Variants in ENO1 observed in about 807,000 individuals in gnomAD.
ENO1 encodes alpha-enolase.
Under a neutral mutation model 46.3 loss-of-function variants are expected in ENO1, and 33 were observed. That is an observed-to-expected ratio of 0.71 (90% confidence interval 0.54 to 0.95). The LOEUF is 0.95. Ranked by LOEUF, ENO1 falls within the 40% of genes least tolerant of loss-of-function variation. The pLI is 0.00. For synonymous variants in ENO1, 220 were observed against 216.0 expected (o/e 1.02, Z -0.16); for missense variants, 488 against 553.3 (o/e 0.88, Z 1.18).
At chr1:8,872,859 G>T (rs372162427) in intron 2 of ENO1, among the ~76,000 whole-genome samples, 1 of 152,156 alleles carries the variant, frequency 6.6e-6, no homozygotes, top group African/African-American at 2.4e-5. Flanking sequence ...AATAAAATGC[G>T]CAGTTTAATA....
intron 5 of ENO1, 35 bp downstream of exon 5, chr1:8,867,953 C>G: frequency 6.3e-7 from 1 of 1,592,680 alleles, no homozygotes. Context: ...ACTTCATGAT[C>G]TTCCCCAGTA....
At chr1:8,874,996 G>A (rs1000744012) in intron 1 of ENO1, 79 bp from the exon 2 acceptor site, 9 of 1,224,458 alleles carry the variant, frequency 7.4e-6, no homozygotes, top group South Asian at 5.1e-5. Flanking sequence ...AATCACTTCC[G>A]AGGTTCGTGG....
At position 8,861,933 on chromosome 1, in the gene ENO1, G is replaced by T. The variant is rs1642414091; in HGVS notation, c.1236-504C>A. On this transcript the variant is annotated intron_variant, in intron 11 of 11. Transcript: ENST00000234590. Reference sequence around the variant, plus strand: ...CACATTTTGGGGCCAGGCACAGTGGGAGGATCACCCGAGGTCAGCTTGACC... The same window carrying T: ...CACATTTTGGGGCCAGGCACAGTGGTAGGATCACCCGAGGTCAGCTTGACC... Among the ~76,000 whole-genome samples, 2 of 150,858 alleles carry T rather than the reference G, an allele frequency of 1.3e-5. 1 individual carries two copies. The highest frequency in any genetic ancestry group is 4.2e-4 in the South Asian group (2 of 4,762).
intron 2 of ENO1, 42 bp downstream of exon 2, chr1:8,874,782 C>T: frequency 6.5e-7 from 1 of 1,542,698 alleles, no homozygotes; most frequent in Non-Finnish European, 8.8e-7. Context: ...TAAAATGAAG[C>T]ACGGTGGAAG....
In ENO1 at chr1:8,863,743, G is replaced by A. The variant is rs1026594414; in HGVS notation, c.1067+148C>T. On this transcript the variant is annotated intron_variant, in intron 9 of 11. Transcript: ENST00000234590. ...AGGCCCCAATTGTTTAATTTAAAAG[G>A]CTCCTGAGTTCAAACACAAAACCTG... The A allele has an allele frequency of 1.6e-5, 15 of 913,352 alleles. No individual in the cohort carries two copies. The African/African-American group carries it at 2.5e-4, about 15-fold the overall frequency. 56.6% of individuals were successfully genotyped at this position (913,352 alleles called of 1,614,324 possible).
At chr1:8,864,148 C>G in intron 8 of ENO1, 56 bp from the exon 9 acceptor site, 1 of 1,585,930 alleles carries the variant, frequency 6.3e-7, no homozygotes, top group African/African-American at 1.3e-5. Context: ...TGCTCCACCG[C>G]AATGCCCAGC....
chr1:8,866,832 C>T (rs2124073154), intron 6 of ENO1, among the ~76,000 whole-genome samples: 1 of 152,296 alleles, frequency 6.6e-6, no homozygotes, highest in East Asian at 1.9e-4. Flanking sequence ...TTGATAACTG[C>T]AAATTCATCA....
At chr1:8,871,795 G>T in intron 3 of ENO1, 96 bp downstream of exon 3, 1 of 1,386,752 alleles carries the variant, frequency 7.2e-7, no homozygotes, top group Non-Finnish European at 1.0e-6. Context: ...CCATAAACCT[G>T]CAAGTGCAAG....
At position 8,867,222 on chromosome 1, in the gene ENO1, C is replaced by T. The variant is rs550948324; in HGVS notation, c.339G>A (p.Gly113=). The T allele has an allele frequency of 4.8e-5, 77 of 1,614,132 alleles. No individual in the cohort carries two copies. The South Asian group carries it at 7.9e-4, about 17-fold the overall frequency. Residue 113 remains glycine (G), a synonymous_variant, in exon 6 of 12, where the codon GGG becomes GGA. Transcript: ENST00000234590. ...KSKFGANAIL[G]VSLAVCKAGA... The stretch of plus-strand genomic sequence containing the variant: ...CAGCTTTGCAGACGGCAAGGGACAC[C>T]CCCAGAATGGCGTTCGCACCAAACT...
In ENO1 at chr1:8,861,011, G is replaced by A. The variant is rs1642389607; in HGVS notation, c.*349C>T. 4.2e-6 allele frequency: 1 copy of A among 235,424 alleles called. No individual in the cohort carries two copies. The highest frequency in any genetic ancestry group is 8.4e-6 in the Non-Finnish European group (1 of 119,488). 14.6% of individuals were successfully genotyped at this position (235,424 alleles called of 1,614,324 possible). On this transcript the variant is annotated 3_prime_UTR_variant, in exon 12 of 12. Coordinates refer to ENST00000234590, the MANE Select transcript of ENO1 (RefSeq NM_001428.5). ...ACAGGCACACGGAGTATTCTCATGGGTCACTGAGGCTTTTTATTTTGAGCA... is the reference window on the plus strand; with the variant it reads ...ACAGGCACACGGAGTATTCTCATGGATCACTGAGGCTTTTTATTTTGAGCA...
At chr1:8,871,448 T>A in intron 3 of ENO1, 3 of 999,800 alleles carry the variant, frequency 3.0e-6, no homozygotes, top group Non-Finnish European at 3.6e-6. Context: ...ATGACACACC[T>A]GCAGCTCACC....
chr1:8,862,020 C>T (rs1434263114), intron 11 of ENO1, among the ~76,000 whole-genome samples: 1 of 151,962 alleles, frequency 6.6e-6, no homozygotes, highest in Non-Finnish European at 1.5e-5. Flanking sequence ...TGGTGGTGGG[C>T]ACCTGTAATC....
At chr1:8,862,225 A>G (rs1425515708) in intron 11 of ENO1, among the ~76,000 whole-genome samples, 2 of 152,174 alleles carry the variant, frequency 1.3e-5, no homozygotes. Flanking sequence ...GCCCCACTGC[A>G]CTCCAGCCTG....
chr1:8,870,109 T>C (rs1642599290), intron 4 of ENO1: 1 of 270,140 alleles, frequency 3.7e-6, no homozygotes, highest in Admixed American at 4.6e-5. Context: ...CCAAAGTTCA[T>C]GAGAAATTAG....
intron 2 of ENO1, among the ~76,000 whole-genome samples, chr1:8,874,514 G>A (rs1428402417): frequency 7.7e-6 from 1 of 130,304 alleles, no homozygotes; most frequent in Non-Finnish European, 1.6e-5. Flanking sequence ...GGAGGCAGAG[G>A]TTGCAGTAAG....
At chr1:8,869,838 G>A (rs1219137332) in intron 4 of ENO1, among the ~76,000 whole-genome samples, 1 of 152,210 alleles carries the variant, frequency 6.6e-6, no homozygotes, top group East Asian at 1.9e-4. Flanking sequence ...GGGATTACAG[G>A]TGTGAGCCAC....
intron 1 of ENO1, chr1:8,878,224 C>T (rs573644434): frequency 1.5e-5 from 3 of 199,312 alleles, no homozygotes; most frequent in African/African-American, 2.4e-5. Flanking sequence ...CACTTGGCTA[C>T]GATGGAAAAG....
rs1034526862 is a variant in ENO1 at position 8,866,013 on chromosome 1, G to A, written c.667+266C>T. 9 of 400,274 alleles carry A rather than the reference G, an allele frequency of 2.2e-5. No individual in the cohort carries two copies. In the Admixed American group the frequency reaches 2.5e-4, roughly 11 times the overall value. 24.8% of individuals were successfully genotyped at this position (400,274 alleles called of 1,614,324 possible). A position where few individuals can be genotyped will look rare whatever the true frequency, so the allele number is the denominator to read the frequency against. On this transcript the variant is annotated intron_variant, in intron 7 of 11. Coordinates refer to ENST00000234590, the MANE Select transcript of ENO1 (RefSeq NM_001428.5). Reference sequence around the variant, plus strand: ...TAGGTATCACTTGAGCCCAGGAGGCGGAAGTTGTAGTGAGCCGAGATTGCG... The same window carrying A: ...TAGGTATCACTTGAGCCCAGGAGGCAGAAGTTGTAGTGAGCCGAGATTGCG...
intron 2 of ENO1, among the ~76,000 whole-genome samples, chr1:8,872,991 T>G (rs1441250137): frequency 6.6e-6 from 1 of 152,216 alleles, no homozygotes; most frequent in Non-Finnish European, 1.5e-5. Context: ...AAGGAAGATG[T>G]TGCAGAGAAA....
Sources: allele counts gnomAD v4.1 joint callset (sites outside exome capture counted in the v4.1 genomes callset), GRCh38; gene constraint gnomAD v4.1.1; transcripts MANE v1.5; gene names NCBI Gene and HGNC (gene_info 2026-07-23, HGNC 2026-07-21).